The following KHDC1 variants were observed in gnomAD, a reference collection of about 807,000 sequenced individuals.
KHDC1 encodes the protein KH domain containing 1.
A neutral mutation model predicts 24.7 loss-of-function variants in KHDC1; 21 were observed. The observed-to-expected ratio is 0.85, with a 90% CI of 0.60 to 1.23. The LOEUF is 1.23. Ranked by LOEUF, KHDC1 falls within the 50% of genes most tolerant of loss-of-function variation. KHDC1 has a pLI of 0.00. For missense variants in KHDC1, 274 were observed against 298.5 expected (o/e 0.92, Z 0.61); for synonymous variants, 98 against 111.7 (o/e 0.88, Z 0.77).
intron 1 of KHDC1, among the ~76,000 whole-genome samples, chr6:73,298,416 T>C (rs1767799913): frequency 7.0e-6 from 1 of 142,564 alleles, no homozygotes; most frequent in Admixed American, 7.7e-5. Context: ...GACTCTATAC[T>C]TTGCAAATTT....
chr6:73,265,933 T>TG (rs1243267708), intron 2 of KHDC1, among the ~76,000 whole-genome samples: 2 of 152,030 alleles, frequency 1.3e-5, no homozygotes, highest in African/African-American at 4.8e-5. Context: ...TTTCTTTTTT[T>TG]TGGGGGGAGA....
intron 2 of KHDC1, among the ~76,000 whole-genome samples, chr6:73,264,652 C>T (rs1324611246): frequency 6.6e-6 from 1 of 152,084 alleles, no homozygotes; most frequent in Admixed American, 6.6e-5. Flanking sequence ...CAAGCCTGGG[C>T]CAGAGGCACA....
chr6:73,256,219 CAAAT>C (rs1167648091), intron 2 of KHDC1, among the ~76,000 whole-genome samples: 2 of 152,170 alleles, frequency 1.3e-5, no homozygotes, highest in Non-Finnish European at 2.9e-5. Flanking sequence ...ATTTATTCAA[CAAAT>C]AATTACTTAG....
intron 1 of KHDC1, among the ~76,000 whole-genome samples, chr6:73,302,340 A>C (rs1180950777): frequency 6.6e-6 from 1 of 152,192 alleles, no homozygotes; most frequent in Non-Finnish European, 1.5e-5. Context: ...ATCAAAATAC[A>C]GTCATGCATC....
chr6:73,291,818 T>A, intron 2 of KHDC1: 1 of 639,212 alleles, frequency 1.6e-6, no homozygotes, highest in South Asian at 2.0e-5. Flanking sequence ...TTGGATACAA[T>A]GTTTAATATT....
At chr6:73,258,978 A>G (rs1380467487) in intron 2 of KHDC1, among the ~76,000 whole-genome samples, 26 of 152,202 alleles carry the variant, frequency 1.7e-4, no homozygotes, top group Admixed American at 1.7e-3. Context: ...ACGGGAGCCC[A>G]CTGGTGAGAG....
At chr6:73,309,495 T>G (rs1419334005) in intron 1 of KHDC1, 3 of 1,462,010 alleles carry the variant, frequency 2.1e-6, no homozygotes, top group Non-Finnish European at 2.7e-6. Context: ...GAAACTCGCC[T>G]TTCCGGGCAC....
At chr6:73,306,057 G>T (rs1270619691) in intron 1 of KHDC1, among the ~76,000 whole-genome samples, 1 of 152,104 alleles carries the variant, frequency 6.6e-6, no homozygotes, top group Non-Finnish European at 1.5e-5. Flanking sequence ...TGTTTTTATT[G>T]CGGAAATGTT....
intron 2 of KHDC1, among the ~76,000 whole-genome samples, chr6:73,277,715 T>C (rs1466566505): frequency 2.0e-5 from 3 of 151,986 alleles, no homozygotes; most frequent in African/African-American, 7.3e-5. Context: ...TAGCCAGGCA[T>C]GTTGGCATGT....
chr6:73,294,110 T>C (rs1011898709), intron 1 of KHDC1, among the ~76,000 whole-genome samples: 1 of 150,704 alleles, frequency 6.6e-6, no homozygotes, highest in Admixed American at 6.6e-5. Flanking sequence ...AGAGCAAGAC[T>C]GTCTCGAGAC....
At chr6:73,246,141 T>C (rs1027855220) in intron 2 of KHDC1, among the ~76,000 whole-genome samples, 1 of 152,222 alleles carries the variant, frequency 6.6e-6, no homozygotes, top group Middle Eastern at 3.2e-3. Context: ...TTCTCTGATA[T>C]GGAGCAACTC....
chr6:73,261,000 A>T (rs1292462672), intron 2 of KHDC1, among the ~76,000 whole-genome samples: 2 of 152,080 alleles, frequency 1.3e-5, no homozygotes, highest in East Asian at 3.8e-4. Flanking sequence ...TATTCATGGC[A>T]TTTTTGTTCT....
chr6:73,272,861 T>C (rs1234968194), intron 2 of KHDC1, among the ~76,000 whole-genome samples: 3 of 139,446 alleles, frequency 2.2e-5, no homozygotes, highest in Non-Finnish European at 1.5e-5. Context: ...CTTTTCTTTT[T>C]CTTTTTTTTT....
At chr6:73,242,165 G>T in exon 4 of KHDC1, 1 of 1,614,212 alleles carries the variant, frequency 6.2e-7, no homozygotes, top group Non-Finnish European at 8.5e-7. Flanking sequence ...GCCTGTAGCT[G>T]TGAACCAACT....
intron 2 of KHDC1, 55 bp from the exon 1 acceptor site, chr6:73,263,251 C>A (rs1006473094): frequency 1.0e-6 from 1 of 986,240 alleles, no homozygotes; most frequent in Non-Finnish European, 1.2e-6. Context: ...ACCCAGAGCC[C>A]TCCTCCCGCC....
chr6:73,261,911 C>CAAA (rs1305177330), intron 2 of KHDC1, among the ~76,000 whole-genome samples: 1 of 87,666 alleles, frequency 1.1e-5, no homozygotes, highest in African/African-American at 4.3e-5. Context: ...GACTCCATCT[C>CAAA]AAAAAAAAAA....
At chr6:73,282,142 C>T (rs1420774217) in intron 2 of KHDC1, among the ~76,000 whole-genome samples, 3 of 146,518 alleles carry the variant, frequency 2.0e-5, no homozygotes, top group East Asian at 2.0e-4. Flanking sequence ...TGCTTGTACT[C>T]GGAAGGCGAA....
exon 1 of KHDC1, chr6:73,309,826 G>T (rs1050833646): frequency 2.2e-5 from 29 of 1,309,496 alleles, no homozygotes; most frequent in East Asian, 2.0e-4. Flanking sequence ...ACGGAGAAGC[G>T]AAGTTCAGGA....
chr6:73,306,036 T>C (rs1252647955), intron 1 of KHDC1, among the ~76,000 whole-genome samples: 1 of 152,326 alleles, frequency 6.6e-6, no homozygotes, highest in South Asian at 2.1e-4. Context: ...AGCAGGTACA[T>C]ATGCATTTAG....
Sources: allele counts gnomAD v4.1 joint callset (sites outside exome capture counted in the v4.1 genomes callset), GRCh38; gene constraint gnomAD v4.1.1; transcripts MANE v1.5; gene names NCBI Gene and HGNC (gene_info 2026-07-23, HGNC 2026-07-21).